RSPH14: variants seen among roughly 807,000 people sequenced by gnomAD.
The protein encoded by RSPH14 is radial spoke head 14 homolog, also known as rhabdoid tumor deletion region gene 1.
Under a neutral mutation model 26.7 loss-of-function variants are expected in RSPH14, and 20 were observed. The ratio of observed to expected loss-of-function variants is 0.75; its 90% CI spans 0.53 to 1.09. The LOEUF (loss-of-function observed/expected upper bound fraction) is 1.09, where lower values mean the gene tolerates loss of function less well. RSPH14 is among the 50% of genes least tolerant of loss of function. The pLI, the probability that RSPH14 is intolerant of heterozygous loss-of-function variation, is 0.00. For missense variants in RSPH14, 449 were observed against 457.2 expected, an observed-to-expected ratio of 0.98 and a Z score of 0.16; for synonymous variants, 177 against 189.3, an observed-to-expected ratio of 0.93 and a Z score of 0.53.
rs541350326 is a variant in RSPH14, at chr22:23,123,595, A to C, written c.421+10431T>G. 3.9e-4 allele frequency: 236 copies of C among 601,836 alleles called. 1 individual carries two copies. In the East Asian group the frequency reaches 6.4e-3, roughly 16 times the overall value. The allele number at this position is 601,836 out of a possible 1,614,324, so 37.3% of individuals were successfully genotyped here. On this transcript the variant is annotated intron_variant, in intron 4 of 6. Coordinates refer to ENST00000216036, the MANE Select transcript of RSPH14 (RefSeq NM_014433.3). ...TGGCCCCACATTTCTGCAAACATAA[A>C]TATTTACGGATAGATTGCTAGGTAG...
At chr22:23,093,186 AT>A (rs1569170860) in intron 4 of RSPH14, among the ~76,000 whole-genome samples, 22 of 152,214 alleles carry the variant, frequency 1.4e-4, no homozygotes, top group African/African-American at 5.1e-4. Context: ...CAAGGCTTCC[AT>A]TCTCAGATGT....
rs556605808 is a variant in RSPH14 at position 23,059,505 on chromosome 22, C to T, written c.1004G>A (p.Arg335Gln). 12 of 1,613,866 alleles carry T rather than the reference C, an allele frequency of 7.4e-6. No individual in the cohort carries two copies. Among genetic ancestry groups the T allele is most frequent in the African/African-American group, 4.0e-5 (3 of 75,054 alleles). The part of the protein sequence containing the change: ...EKPQVAEALQ[R>Q]AARIAISVIE... ...GACACTGATGGCGATCCGGGCTGCC[C>T]GCTGTAAGGCTTCGGCCACTTGAGG... Residue 335 changes from arginine to glutamine, a missense_variant, in exon 7 of 7, where the codon CGG becomes CAG. Physicochemically the swap from Arg to Gln is conservative, Grantham distance 43 (BLOSUM62 1). Coordinates refer to ENST00000216036, the MANE Select transcript of RSPH14 (RefSeq NM_014433.3).
At chr22:23,116,201 G>T (rs1384482661) in intron 4 of RSPH14, among the ~76,000 whole-genome samples, 1 of 152,272 alleles carries the variant, frequency 6.6e-6, no homozygotes, top group Non-Finnish European at 1.5e-5. Context: ...AGGCTGCCAG[G>T]TGAGGGGCTG....
the RSPH14 span, among the ~76,000 whole-genome samples, chr22:23,166,448 AAAGCAAGGGCTTTCTCCCT>A: frequency 1.2e-3 from 184 of 152,106 alleles, no homozygotes; most frequent in African/African-American, 4.3e-3. Context: ...GTCCTGAGGC[AAAGCAAGGGCTTTCTCCCT>A]AAGCAACAGC....
chr22:23,097,700 C>T (rs930439453), intron 4 of RSPH14, among the ~76,000 whole-genome samples: 5 of 152,254 alleles, frequency 3.3e-5, no homozygotes, highest in Non-Finnish European at 5.9e-5. Context: ...TGGTTCTGGG[C>T]AGAGGGGACA....
rs141492102 is a variant in RSPH14, at chr22:23,081,261, G to A, written c.422-17128C>T. Among the ~76,000 whole-genome samples the A allele has an allele frequency of 1.0e-3, 159 of 152,270 alleles. 1 individual carries two copies. The highest frequency in any genetic ancestry group is 3.8e-3 in the African/African-American group (157 of 41,562). On this transcript the variant is annotated intron_variant, in intron 4 of 6. Transcript: ENST00000216036. The stretch of plus-strand genomic sequence containing the variant: ...AAAAAGTAAACGAGATGTCACGCAA[G>A]GTGTGCTGTGGTTTAAGCAAGAAGT...
intron 4 of RSPH14, among the ~76,000 whole-genome samples, chr22:23,081,776 C>T (rs923461360): frequency 7.4e-6 from 1 of 134,432 alleles, no homozygotes; most frequent in Non-Finnish European, 1.5e-5. Context: ...GAGCCGAGAT[C>T]GTGCCACTGC....
chr22:23,075,255 C>T (rs889157326), intron 4 of RSPH14, among the ~76,000 whole-genome samples: 1 of 152,202 alleles, frequency 6.6e-6, no homozygotes, highest in East Asian at 1.9e-4. Flanking sequence ...TTCAGGGCCG[C>T]TGGAGTCAGT....
intron 6 of RSPH14, among the ~76,000 whole-genome samples, chr22:23,061,518 G>A (rs1314514224): frequency 6.6e-6 from 1 of 152,150 alleles, no homozygotes; most frequent in Non-Finnish European, 1.5e-5. Context: ...CAGCTCACAA[G>A]GGGCCTGGGT....
intron 4 of RSPH14, among the ~76,000 whole-genome samples, chr22:23,118,641 C>T (rs2069922141): frequency 1.3e-5 from 2 of 152,224 alleles, no homozygotes. Flanking sequence ...GTGAGGAGCC[C>T]TCCCCCTTGC....
chr22:23,138,762 TA>T, intron 3 of RSPH14, 77 bp downstream of exon 3: 1 of 1,201,992 alleles, frequency 8.3e-7, no homozygotes, highest in Non-Finnish European at 1.2e-6. Context: ...CAGAGCACTC[TA>T]AGCAGCTCAA....
chr22:23,080,119 C>G (rs563295179), intron 4 of RSPH14, among the ~76,000 whole-genome samples: 1 of 151,330 alleles, frequency 6.6e-6, no homozygotes, highest in East Asian at 1.9e-4. Context: ...GGCCCCACTT[C>G]TTCTCTGCTG....
intron 4 of RSPH14, among the ~76,000 whole-genome samples, chr22:23,097,577 C>T (rs1435107236): frequency 6.6e-6 from 1 of 152,244 alleles, no homozygotes; most frequent in Non-Finnish European, 1.5e-5. Flanking sequence ...GACGGACGGG[C>T]AGGCAGGTGT....
At chr22:23,075,538 C>T (rs1569159974) in intron 4 of RSPH14, among the ~76,000 whole-genome samples, 1 of 152,198 alleles carries the variant, frequency 6.6e-6, no homozygotes, top group Non-Finnish European at 1.5e-5. Context: ...TGCCACATCA[C>T]AGAGTTTTGA....
At chr22:23,161,382 T>C in the RSPH14 span, 480,156 of 964,044 alleles carry the variant, frequency 0.5, 120,889 homozygotes, top group East Asian at 0.63. Context: ...ATTCAGGCCT[T>C]GAACAGCAGG....
chr22:23,158,982 G>T, the RSPH14 span: 1 of 1,613,942 alleles, frequency 6.2e-7, no homozygotes, highest in Non-Finnish European at 8.5e-7. Flanking sequence ...ACCTTCTGGT[G>T]AGCAGAGTGG....
chr22:23,155,026 G>A, the RSPH14 span, among the ~76,000 whole-genome samples: 1 of 152,176 alleles, frequency 6.6e-6, no homozygotes, highest in Admixed American at 6.5e-5. Flanking sequence ...TTGGGAGGCT[G>A]AGGCAGGAGA....
chr22:23,162,471 T>C, the RSPH14 span: 191,914 of 372,550 alleles, frequency 0.52, 50,069 homozygotes, highest in East Asian at 0.64. Flanking sequence ...GGCCTATACA[T>C]CTCTTAGGAC....
At chr22:23,148,040 G>A (rs1477441804), upstream of RSPH14, among the ~76,000 whole-genome samples, 2 of 152,168 alleles carry the variant, frequency 1.3e-5, no homozygotes, top group South Asian at 4.1e-4. Context: ...GGTGCAGAGG[G>A]ATAGATCCTC....
Sources: gnomAD v4.1 joint callset for allele counts (sites outside exome capture counted in the v4.1 genomes callset) on GRCh38, gnomAD v4.1.1 for gene constraint, MANE v1.5 for transcripts, NCBI Gene and HGNC (gene_info 2026-07-23, HGNC 2026-07-21) for gene names.